The following MAST4 variants were observed in gnomAD, a reference collection of about 807,000 sequenced individuals.
MAST4 encodes the protein microtubule associated serine/threonine kinase family member 4.
MAST4 carries 89 observed loss-of-function variants against 162.7 expected under a neutral mutation model. The observed-to-expected ratio is 0.55, with a 90% confidence interval of 0.46 to 0.65. MAST4 has a LOEUF of 0.65. MAST4 is among the 30% of genes least tolerant of loss of function. The pLI, the probability that MAST4 is intolerant of heterozygous loss-of-function variation, is 0.00. For missense variants in MAST4, 3,153 were observed against 3,374.0 expected, an observed-to-expected ratio of 0.93 and a Z score of 1.62; for synonymous variants, 1,479 against 1,361.1, an observed-to-expected ratio of 1.09 and a Z score of -1.91.
chr5:66,807,993 C>T (rs543745114), intron 3 of MAST4, among the ~76,000 whole-genome samples: 4 of 152,292 alleles, frequency 2.6e-5, no homozygotes, highest in South Asian at 2.1e-4. Flanking sequence ...ACTGTGCCAC[C>T]CTGGTCTTCA....
At chr5:66,622,568 A>C (rs1053492018) in intron 1 of MAST4, among the ~76,000 whole-genome samples, 2 of 152,142 alleles carry the variant, frequency 1.3e-5, no homozygotes, top group Non-Finnish European at 2.9e-5. Context: ...ACAGAGAATC[A>C]GTTAAGGGTT....
In MAST4 at chr5:67,165,764, G is replaced by T; in HGVS notation, c.6585G>T (p.Arg2195=). 6.3e-7 allele frequency: 1 copy of T among 1,598,410 alleles called. No homozygotes were observed. The highest frequency in any genetic ancestry group is 1.1e-5 in the South Asian group (1 of 89,332). ...GTGAAAGCAGCAGCCACAAGCCCCG[G>T]CCTGGCCCTGACCCGGGCCCTCCAA... ...AHSESSSHKP[R]PGPDPGPPKT... The change falls in exon 29 of 29, where the codon CGG becomes CGT. Residue 2195 remains arginine (R), a synonymous_variant. Coordinates refer to ENST00000403625, the MANE Select transcript of MAST4 (RefSeq NM_001164664.2).
chr5:66,897,607 G>T (rs532622945), intron 3 of MAST4, among the ~76,000 whole-genome samples: 7 of 152,274 alleles, frequency 4.6e-5, no homozygotes, highest in African/African-American at 1.7e-4. Flanking sequence ...TGAGTTTCCA[G>T]TCCTGAGCCT....
chr5:66,665,749 T>G (rs879380028), intron 1 of MAST4, among the ~76,000 whole-genome samples: 1 of 152,216 alleles, frequency 6.6e-6, no homozygotes, highest in Non-Finnish European at 1.5e-5. Flanking sequence ...TTGGGCAGAT[T>G]ATGTAATCCT....
chr5:66,784,566 T>G (rs1394321365), intron 2 of MAST4, among the ~76,000 whole-genome samples: 1 of 152,158 alleles, frequency 6.6e-6, no homozygotes, highest in Non-Finnish European at 1.5e-5. Flanking sequence ...CACCCCTCAT[T>G]TTTTCTGCCA....
Position 67,055,999 on chromosome 5 carries a change from GAT to G in MAST4, c.763+1524_763+1525del, listed in dbSNP as rs59787536. 7.4e-3 allele frequency among the ~76,000 whole-genome samples: 1,079 copies of G among 145,282 alleles called. 6 individuals are homozygous for G. Among genetic ancestry groups the G allele is most frequent in the African/African-American group, 0.016 (640 of 39,764 alleles). ...TGCTACATACAATATTTTGTTTAGG[GAT>G]ATATATATATATATATGTACATGAT... On this transcript the variant is annotated intron_variant, in intron 5 of 28. Coordinates refer to ENST00000403625, the MANE Select transcript of MAST4 (RefSeq NM_001164664.2).
chr5:67,100,629 A>C lies in MAST4; in HGVS notation c.1070+37A>C, dbSNP rs970612164. 3 of 1,611,998 alleles carry C rather than the reference A, an allele frequency of 1.9e-6. No individual in the cohort carries two copies. The African/African-American group carries it at 4.0e-5, about 22-fold the overall frequency. On this transcript the variant is annotated intron_variant, in intron 8 of 28. Transcript: ENST00000403625. ...TGGCTGAAAACCATTACTTAGTTGG[A>C]TTCTCTATTTTCAAACATTTTGAGT...
chr5:66,747,794 G>A (rs941786078), intron 1 of MAST4, among the ~76,000 whole-genome samples: 6 of 152,166 alleles, frequency 3.9e-5, no homozygotes, highest in East Asian at 1.9e-4. Flanking sequence ...AAGCTGTCCC[G>A]TGCATTGCAG....
intron 3 of MAST4, among the ~76,000 whole-genome samples, chr5:66,808,238 G>A (rs568322956): frequency 6.6e-6 from 1 of 152,306 alleles, no homozygotes; most frequent in Admixed American, 6.5e-5. Flanking sequence ...TTTTTTACAG[G>A]ACTGCTCAGG....
intron 3 of MAST4, chr5:66,789,638 A>G: frequency 4.1e-6 from 2 of 487,656 alleles, no homozygotes; most frequent in Non-Finnish European, 8.2e-6. Context: ...CCTCTTAAGG[A>G]ATGAGGTCTG....
chr5:67,005,226 G>A (rs1581171697), intron 4 of MAST4: 2 of 651,458 alleles, frequency 3.1e-6, no homozygotes, highest in Non-Finnish European at 2.8e-6. Context: ...CGCTAGGGGA[G>A]GGGGTACTGT....
rs1221333286 is a variant in MAST4, at chr5:67,166,162, C to T, written c.6983C>T (p.Thr2328Ile). 9 of 1,564,058 alleles carry T rather than the reference C, an allele frequency of 5.8e-6. No homozygotes were observed. The African/African-American group carries it at 6.8e-5, about 12-fold the overall frequency. ...CTGTCCGCTGTTGGTGAAAAGCAAACCCTGTCTCCAAAGCACCCCAAACCA... is the reference window on the plus strand; with the variant it reads ...CTGTCCGCTGTTGGTGAAAAGCAAATCCTGTCTCCAAAGCACCCCAAACCA... ...QKLSAVGEKQ[T>I]LSPKHPKPST... Residue 2328 changes from threonine to isoleucine, a missense_variant, in exon 29 of 29, where the codon ACC becomes ATC. By Grantham distance (89) the Thr-to-Ile change is moderately conservative. Coordinates refer to ENST00000403625, the MANE Select transcript of MAST4 (RefSeq NM_001164664.2).
At chr5:67,010,754 G>A (rs2150351499) in intron 4 of MAST4, among the ~76,000 whole-genome samples, 1 of 152,268 alleles carries the variant, frequency 6.6e-6, no homozygotes, top group South Asian at 2.1e-4. Context: ...AACACCCCCA[G>A]CACTCCACAG....
chr5:66,906,124 A>C (rs1012878567), intron 4 of MAST4, among the ~76,000 whole-genome samples: 1 of 152,170 alleles, frequency 6.6e-6, no homozygotes, highest in Non-Finnish European at 1.5e-5. Context: ...GCTACACTAG[A>C]GTCACATTGG....
At chr5:67,099,580 T>C (rs1356812344) in intron 7 of MAST4, among the ~76,000 whole-genome samples, 2 of 152,184 alleles carry the variant, frequency 1.3e-5, no homozygotes, top group Non-Finnish European at 2.9e-5. Context: ...CATGTTTCCA[T>C]TTACTAAAAA....
rs1773971680 is a variant in MAST4 at position 67,166,367 on chromosome 5, C to T, written c.7188C>T (p.Ser2396=). ...AGGCCGGCCTTTCCTTTGTGCATAG[C>T]GAGAACCGGTTGAAAGGCGCGGAGC... ...KLEAGLSFVH[S]ENRLKGAERP... is the part of the protein sequence containing the mutation. Residue 2396 remains serine (S), a synonymous_variant, in exon 29 of 29, where the codon AGC becomes AGT. Coordinates refer to ENST00000403625, the MANE Select transcript of MAST4 (RefSeq NM_001164664.2). 4 of 1,610,942 alleles carry T rather than the reference C, an allele frequency of 2.5e-6. No homozygotes were observed. Among genetic ancestry groups the T allele is most frequent in the Admixed American group, 1.7e-5 (1 of 59,730 alleles).
chr5:66,879,701 T>G (rs1438212219), intron 3 of MAST4, among the ~76,000 whole-genome samples: 4 of 152,178 alleles, frequency 2.6e-5, no homozygotes, highest in Admixed American at 6.5e-5. Context: ...TTTGTAGAGA[T>G]GGGATTTCGC....
intron 1 of MAST4, among the ~76,000 whole-genome samples, chr5:66,626,832 G>A (rs1163638352): frequency 6.6e-6 from 1 of 152,182 alleles, no homozygotes; most frequent in Non-Finnish European, 1.5e-5. Flanking sequence ...ATAAAAGCCT[G>A]GAAGTCAGGA....
intron 3 of MAST4, among the ~76,000 whole-genome samples, chr5:66,835,000 G>T (rs1230297503): frequency 6.6e-6 from 1 of 152,024 alleles, no homozygotes; most frequent in Non-Finnish European, 1.5e-5. Context: ...GATTCCCAGG[G>T]GTCTGCCCTA....
Sources: allele counts gnomAD v4.1 joint callset (sites outside exome capture counted in the v4.1 genomes callset), GRCh38; gene constraint gnomAD v4.1.1; transcripts MANE v1.5; gene names NCBI Gene and HGNC (gene_info 2026-07-23, HGNC 2026-07-21).